The following BIN2 variants were observed in gnomAD, a reference collection of about 807,000 sequenced individuals.
BIN2 encodes bridging integrator 2.
In BIN2, 43 loss-of-function variants were observed where a neutral mutation model predicts 67.9. The ratio of observed to expected loss-of-function variants is 0.63; its 90% CI spans 0.50 to 0.82. BIN2 has a LOEUF of 0.82. BIN2 is among the 40% of genes least tolerant of loss of function. The pLI is 0.00. For synonymous variants in BIN2, 244 were observed against 246.8 expected (o/e 0.99, Z 0.11); for missense variants, 581 against 671.6 (o/e 0.87, Z 1.49).
At chr12:51,324,631 G>C (rs1409302968), upstream of BIN2, 2 of 1,187,048 alleles carry the variant, frequency 1.7e-6, no homozygotes, top group Non-Finnish European at 2.3e-6. Context: ...GCAGAAAGCA[G>C]GCAGGACACC....
chr12:51,286,636 A>T (rs1945242712), intron 11 of BIN2, among the ~76,000 whole-genome samples: 1 of 152,224 alleles, frequency 6.6e-6, no homozygotes, highest in East Asian at 1.9e-4. Context: ...TTATAAAATC[A>T]AATTGAAATC....
chr12:51,291,887 T>C lies in BIN2; in HGVS notation c.1219A>G (p.Ile407Val), dbSNP rs1239815659. 1 of 1,614,160 alleles carries C rather than the reference T, an allele frequency of 6.2e-7. No individual in the cohort carries two copies. Among genetic ancestry groups the C allele is most frequent in the South Asian group, 1.1e-5 (1 of 91,082 alleles). Residue 407 changes from isoleucine to valine, a missense_variant, in exon 10 of 13, where the codon ATC (isoleucine) becomes GTC (valine). Physicochemically the swap from Ile to Val is conservative, Grantham distance 29. Transcript: ENST00000615107. ...CTAGGGGGTGCTGAGGTCCTCTGGA[T>C]AGAGGCTCTCTTCTTTGGTTGTTCA... Reference protein sequence around the residue: ...GSEQPKKRASIQRTSAPPSRP... With the variant: ...GSEQPKKRASVQRTSAPPSRP...
chr12:51,308,656 C>A (rs1380177398), intron 2 of BIN2, among the ~76,000 whole-genome samples: 1 of 151,894 alleles, frequency 6.6e-6, no homozygotes, highest in Non-Finnish European at 1.5e-5. Flanking sequence ...AAATACGAAG[C>A]TAGATTATTA....
intron 2 of BIN2, among the ~76,000 whole-genome samples, chr12:51,306,285 G>A (rs911357722): frequency 6.6e-6 from 1 of 152,224 alleles, no homozygotes; most frequent in African/African-American, 2.4e-5. Context: ...AACTGTGATT[G>A]TGTGCTGTGT....
intron 12 of BIN2, among the ~76,000 whole-genome samples, chr12:51,282,997 C>T (rs963836232): frequency 2.6e-5 from 4 of 151,050 alleles, no homozygotes; most frequent in Non-Finnish European, 5.9e-5. Flanking sequence ...ACCTGTAATC[C>T]CAGCATCCCA....
chr12:51,287,973 C>T (rs1945282628), intron 11 of BIN2, 135 bp downstream of exon 11: 1 of 628,514 alleles, frequency 1.6e-6, no homozygotes. Context: ...ACATCTTGCT[C>T]TGTTAGGGCC....
chr12:51,300,501 C>G (rs1592266030), intron 5 of BIN2, among the ~76,000 whole-genome samples: 1 of 152,182 alleles, frequency 6.6e-6, no homozygotes, highest in East Asian at 1.9e-4. Context: ...GCCCCATCTC[C>G]CCTTATACAA....
upstream of BIN2, chr12:51,324,493 C>T (rs1261723065): frequency 6.5e-7 from 1 of 1,529,796 alleles, no homozygotes; most frequent in Non-Finnish European, 8.7e-7. Context: ...ATGTGGGTTC[C>T]ACTCAGCGAG....
At chr12:51,313,707 G>T in intron 2 of BIN2, 116 bp downstream of exon 2, 1 of 913,052 alleles carries the variant, frequency 1.1e-6, no homozygotes. Flanking sequence ...TAACCCTAGG[G>T]GGAGGGTGGC....
chr12:51,305,623 C>CAA (rs201641166), intron 2 of BIN2, among the ~76,000 whole-genome samples: 154 of 119,052 alleles, frequency 1.3e-3, no homozygotes, highest in African/African-American at 4.6e-3. Flanking sequence ...AACTCCATCT[C>CAA]AAAAAAAAAA....
At position 51,286,492 on chromosome 12, in the gene BIN2, CAGAA is replaced by C. The variant is rs202048636; in HGVS notation, c.1596+1612_1596+1615del. On this transcript the variant is annotated intron_variant, in intron 11 of 12. Coordinates refer to ENST00000615107, the MANE Select transcript of BIN2 (RefSeq NM_016293.4). ...TTACTAGCCTGTTTCTTAAAATGGTCAGAAAGAGTCTTGGCTCCTATAAACTCCT... is the reference window on the plus strand; with the variant it reads ...TTACTAGCCTGTTTCTTAAAATGGTCAGAGTCTTGGCTCCTATAAACTCCT... 3.9e-5 allele frequency among the ~76,000 whole-genome samples: 6 copies of C among 152,264 alleles called. No homozygotes were observed. In the East Asian group the frequency reaches 1.2e-3, roughly 29 times the overall value.
Position 51,292,319 on chromosome 12 carries a change from A to T in BIN2, c.787T>A (p.Ser263Thr), listed in dbSNP as rs1195355631. 6.3e-7 allele frequency: 1 copy of T among 1,589,994 alleles called. No individual in the cohort carries two copies. The highest frequency in any genetic ancestry group is 2.2e-5 in the East Asian group (1 of 44,688). Residue 263 changes from serine to threonine, a missense_variant, in exon 10 of 13, where the codon TCT (serine) becomes ACT (threonine). By Grantham distance (58) the Ser-to-Thr change is moderately conservative. Coordinates refer to ENST00000615107, the MANE Select transcript of BIN2 (RefSeq NM_016293.4). ...ACTGTAGCTGTTCGAACTGGGGGAG[A>T]AATGACTAAAGAGCGCCTGCTGCTG... ...SSSSRRSLVI[S>T]PPVRTATVSS...
intron 1 of BIN2, among the ~76,000 whole-genome samples, chr12:51,317,737 C>T (rs1383397302): frequency 1.3e-5 from 2 of 151,902 alleles, no homozygotes; most frequent in Admixed American, 6.6e-5. Flanking sequence ...GCCTGTAATC[C>T]CAGCACTTTG....
At chr12:51,286,520 C>T (rs1375783267) in intron 11 of BIN2, among the ~76,000 whole-genome samples, 1 of 152,148 alleles carries the variant, frequency 6.6e-6, no homozygotes, top group Non-Finnish European at 1.5e-5. Context: ...CTATAAACTC[C>T]TCCCTTCAAA....
At chr12:51,324,438 C>G (rs1946378946), upstream of BIN2, 51 of 1,464,858 alleles carry the variant, frequency 3.5e-5, no homozygotes, top group South Asian at 6.8e-4. Context: ...CAGTTCCCAT[C>G]ACGCTGAGCA....
At chr12:51,295,118 C>CT (rs1387350170) in intron 9 of BIN2, among the ~76,000 whole-genome samples, 2 of 151,458 alleles carry the variant, frequency 1.3e-5, no homozygotes, top group African/African-American at 2.4e-5. Flanking sequence ...TTCTTTTAAT[C>CT]TTTTTTTGTA....
upstream of BIN2, chr12:51,324,299 G>A: frequency 2.2e-6 from 3 of 1,370,286 alleles, no homozygotes; most frequent in Non-Finnish European, 2.9e-6. Context: ...TCGGAGGGGC[G>A]GGCCCGGGGC....
chr12:51,295,323 C>T (rs1169688673), intron 9 of BIN2, among the ~76,000 whole-genome samples: 1 of 145,920 alleles, frequency 6.9e-6, no homozygotes, highest in East Asian at 2.0e-4. Flanking sequence ...CCGAGGCGGG[C>T]GGATCACGAG....
At chr12:51,316,846 CA>C (rs1946147433) in intron 1 of BIN2, among the ~76,000 whole-genome samples, 1 of 151,992 alleles carries the variant, frequency 6.6e-6, no homozygotes, top group Non-Finnish European at 1.5e-5. Context: ...GTATACAGTC[CA>C]ATTGTTGTTT....
Sources: allele counts gnomAD v4.1 joint callset (sites outside exome capture counted in the v4.1 genomes callset), GRCh38; gene constraint gnomAD v4.1.1; transcripts MANE v1.5; gene names NCBI Gene and HGNC (gene_info 2026-07-23, HGNC 2026-07-21).